Variants in NCALD observed in about 807,000 individuals in gnomAD.
The protein encoded by NCALD is neurocalcin delta, also known as neurocalcin-delta.
NCALD carries 10 observed loss-of-function variants against 18.6 expected under a neutral mutation model. That is an observed-to-expected ratio of 0.54 (90% confidence interval 0.33 to 0.91). NCALD has a LOEUF of 0.91. Ranked by LOEUF, NCALD falls within the 40% of genes least tolerant of loss-of-function variation. The pLI is 0.03. For synonymous variants in NCALD, 88 were observed against 87.4 expected (o/e 1.01, Z -0.04); for missense variants, 184 against 247.6 (o/e 0.74, Z 1.72).
chr8:101,889,872 A>C (rs1816809073), intron 3 of NCALD, among the ~76,000 whole-genome samples: 1 of 152,236 alleles, frequency 6.6e-6, no homozygotes, highest in African/African-American at 2.4e-5. Flanking sequence ...TTAATTCCAG[A>C]GGAATTAAAG....
At chr8:101,768,129 C>T (rs182736001) in intron 1 of NCALD, among the ~76,000 whole-genome samples, 137 of 152,214 alleles carry the variant, frequency 9.0e-4, no homozygotes, top group African/African-American at 3.1e-3. Context: ...AATCTAGAGC[C>T]CTGTTACCTA....
intron 1 of NCALD, among the ~76,000 whole-genome samples, chr8:101,732,590 CTTTTTTTTTTTTTT>C (rs576286368): frequency 2.4e-4 from 13 of 53,676 alleles, no homozygotes; most frequent in Middle Eastern, 0.02. Flanking sequence ...TTTTTCTTTG[CTTTTTTTTTTTTTT>C]TTTTTTTTTT....
At chr8:101,831,512 C>A (rs998903087) in intron 4 of NCALD, among the ~76,000 whole-genome samples, 1 of 152,154 alleles carries the variant, frequency 6.6e-6, no homozygotes, top group Non-Finnish European at 1.5e-5. Flanking sequence ...AGTAGGTCAT[C>A]GTCTCTTTGC....
intron 4 of NCALD, among the ~76,000 whole-genome samples, chr8:101,868,524 C>G (rs905027092): frequency 1.3e-5 from 2 of 152,190 alleles, no homozygotes; most frequent in Admixed American, 6.5e-5. Flanking sequence ...CCATTTCTGC[C>G]TGGCAGATGG....
chr8:101,921,126 T>G (rs1055057787), intron 2 of NCALD, among the ~76,000 whole-genome samples: 1 of 152,256 alleles, frequency 6.6e-6, no homozygotes, highest in South Asian at 2.1e-4. Context: ...AGGAGTAGTC[T>G]CTCAGATTTT....
At chr8:101,764,260 A>T (rs951965366) in intron 1 of NCALD, among the ~76,000 whole-genome samples, 11 of 152,154 alleles carry the variant, frequency 7.2e-5, no homozygotes, top group Non-Finnish European at 5.9e-5. Context: ...ATCCTCCAAC[A>T]TCTAAAGATC....
rs536080746 is a variant in NCALD at position 102,005,213 on chromosome 8, G to C, written c.-157+15024C>G. 6.6e-5 allele frequency among the ~76,000 whole-genome samples: 10 copies of C among 152,312 alleles called. No individual in the cohort carries two copies. In the East Asian group the frequency reaches 1.9e-3, roughly 29 times the overall value. ...AAAACAACCCCATCAACAAGTGGGC[G>C]AAGGATATGAACAGACAATTCTCAA... On this transcript the variant is annotated intron_variant, in intron 2 of 6. Transcript: ENST00000311028.
rs527998593 is a variant in NCALD at position 102,026,696 on chromosome 8, G to A, written c.-209-6407C>T. Among the ~76,000 whole-genome samples, 4 of 152,260 alleles carry A rather than the reference G, an allele frequency of 2.6e-5. No individual in the cohort carries two copies. In the South Asian group the frequency reaches 6.2e-4, roughly 24 times the overall value. On this transcript the variant is annotated intron_variant, in intron 1 of 6. Coordinates refer to the NCALD transcript ENST00000311028. ...CATACTATTCTAAGGTCTGAAGAATGGTGGCTCTCTTCTCACAGCTCCACT... is the reference window on the plus strand; with the variant it reads ...CATACTATTCTAAGGTCTGAAGAATAGTGGCTCTCTTCTCACAGCTCCACT...
intron 1 of NCALD, among the ~76,000 whole-genome samples, chr8:101,727,823 C>A (rs1296975171): frequency 1.3e-5 from 2 of 152,232 alleles, no homozygotes; most frequent in African/African-American, 2.4e-5. Flanking sequence ...CTGCTCCAGG[C>A]ACCTTGGCCT....
intron 2 of NCALD, among the ~76,000 whole-genome samples, chr8:101,695,295 G>A (rs1333266911): frequency 6.6e-6 from 1 of 152,180 alleles, no homozygotes; most frequent in Non-Finnish European, 1.5e-5. Flanking sequence ...TTTTAAGGGG[G>A]CTGTGTATTT....
At chr8:101,997,612 T>A (rs1268836755) in intron 2 of NCALD, among the ~76,000 whole-genome samples, 1 of 152,242 alleles carries the variant, frequency 6.6e-6, no homozygotes, top group African/African-American at 2.4e-5. Context: ...CTTCTCGGCA[T>A]GGCGTTTTGT....
intron 3 of NCALD, chr8:101,692,220 G>C: frequency 1.0e-6 from 1 of 985,346 alleles, no homozygotes; most frequent in Non-Finnish European, 1.2e-6. Context: ...GGTTTGAATT[G>C]TGGGTAGCAC....
chr8:101,735,062 CAAGG>C (rs566093727), intron 1 of NCALD, among the ~76,000 whole-genome samples: 9 of 151,744 alleles, frequency 5.9e-5, no homozygotes, highest in Non-Finnish European at 1.2e-4. Flanking sequence ...AGGAAGGAAG[CAAGG>C]AAGGGAGAAA....
intron 2 of NCALD, among the ~76,000 whole-genome samples, chr8:101,698,282 G>C (rs111642327): frequency 9.2e-5 from 14 of 152,192 alleles, no homozygotes; most frequent in African/African-American, 3.4e-4. Flanking sequence ...GTAAATAAGA[G>C]AGAACATAAA....
chr8:102,069,085 G>T (rs1824099550), intron 1 of NCALD, among the ~76,000 whole-genome samples: 1 of 152,154 alleles, frequency 6.6e-6, no homozygotes, highest in Non-Finnish European at 1.5e-5. Flanking sequence ...CAAAGTTTCA[G>T]TTAGAGAGAA....
At chr8:101,958,271 A>G (rs1431854422) in intron 2 of NCALD, among the ~76,000 whole-genome samples, 3 of 152,172 alleles carry the variant, frequency 2.0e-5, no homozygotes, top group Non-Finnish European at 4.4e-5. Context: ...ACACAATTAC[A>G]TCTAGTTGGC....
intron 2 of NCALD, among the ~76,000 whole-genome samples, chr8:102,010,844 A>G (rs1344888931): frequency 6.6e-6 from 1 of 152,220 alleles, no homozygotes; most frequent in African/African-American, 2.4e-5. Flanking sequence ...ACATAAGATT[A>G]CATCAGGAAA....
chr8:102,080,196 G>A (rs1824480394), intron 1 of NCALD, among the ~76,000 whole-genome samples: 1 of 152,202 alleles, frequency 6.6e-6, no homozygotes, highest in Admixed American at 6.5e-5. Flanking sequence ...GCAGCCAGCG[G>A]TGTTTGCTAT....
At chr8:101,904,002 C>A (rs1817526631) in intron 3 of NCALD, among the ~76,000 whole-genome samples, 1 of 152,192 alleles carries the variant, frequency 6.6e-6, no homozygotes, top group African/African-American at 2.4e-5. Flanking sequence ...TCCTGCGCTC[C>A]TGTAGGACTA....
Sources: allele counts gnomAD v4.1 joint callset (sites outside exome capture counted in the v4.1 genomes callset), GRCh38; gene constraint gnomAD v4.1.1; transcripts MANE v1.5; gene names NCBI Gene and HGNC (gene_info 2026-07-23, HGNC 2026-07-21).